The following PRDM15 variants were observed in gnomAD, a reference collection of about 807,000 sequenced individuals.
PRDM15 encodes PR/SET domain 15, also known as PR domain zinc finger protein 15.
PRDM15 carries 64 observed loss-of-function variants against 128.6 expected under a neutral mutation model. That is an observed-to-expected ratio of 0.50 (90% confidence interval 0.41 to 0.61). PRDM15 has a LOEUF of 0.61. Ranked by LOEUF, PRDM15 falls within the 20% of genes least tolerant of loss-of-function variation. The pLI is 0.00. For missense variants in PRDM15, 1,242 were observed against 1,569.1 expected (o/e 0.79, Z 3.52); for synonymous variants, 615 against 621.8 (o/e 0.99, Z 0.16).
intron 3 of PRDM15, among the ~76,000 whole-genome samples, chr21:41,858,157 T>C (rs936403959): frequency 6.6e-6 from 1 of 152,198 alleles, no homozygotes; most frequent in African/African-American, 2.4e-5. Context: ...TCCAGCCAAG[T>C]GGAGCGGGCC....
At chr21:41,815,522 G>T (rs964846408) in intron 19 of PRDM15, among the ~76,000 whole-genome samples, 183 bp downstream of exon 19, 1 of 152,206 alleles carries the variant, frequency 6.6e-6, no homozygotes, top group Non-Finnish European at 1.5e-5. Flanking sequence ...CCCTGTGGGA[G>T]GGGGACCTTT....
At chr21:41,826,162 G>C in intron 12 of PRDM15, 108 bp from the exon 13 acceptor site, 1 of 845,680 alleles carries the variant, frequency 1.2e-6, no homozygotes, top group Non-Finnish European at 2.0e-6. Context: ...GGAGGACAGG[G>C]CTGCCCACAG....
intron 1 of PRDM15, among the ~76,000 whole-genome samples, chr21:41,865,034 C>A (rs2063954193): frequency 6.6e-6 from 1 of 151,332 alleles, no homozygotes; most frequent in Non-Finnish European, 1.5e-5. Context: ...TCCCCACTCC[C>A]CTGCTCAGTC....
chr21:41,820,034 A>C, intron 17 of PRDM15, 61 bp downstream of exon 17: 6 of 1,402,210 alleles, frequency 4.3e-6, no homozygotes, highest in East Asian at 4.6e-5. Context: ...GACCCCCAGC[A>C]TCCCTCCCTG....
intron 10 of PRDM15, 133 bp from the exon 11 acceptor site, chr21:41,835,657 AT>A: frequency 1.5e-6 from 1 of 668,770 alleles, no homozygotes; most frequent in Non-Finnish European, 2.7e-6. Context: ...CTCCCGCTCT[AT>A]TTAGGAACAC....
At chr21:41,835,554 T>C (rs375047295) in intron 10 of PRDM15, 30 bp from the exon 11 acceptor site, 4 of 1,587,142 alleles carry the variant, frequency 2.5e-6, no homozygotes, top group Non-Finnish European at 3.4e-6. Flanking sequence ...GTGAGTGAGA[T>C]GGCCCAGCGC....
At chr21:41,855,412 T>C (rs929468781) in intron 4 of PRDM15, among the ~76,000 whole-genome samples, 1 of 152,178 alleles carries the variant, frequency 6.6e-6, no homozygotes, top group South Asian at 2.1e-4. Flanking sequence ...ATCAACCACA[T>C]GACTATAGGA....
In PRDM15 at chr21:41,839,628, G is replaced by C. The variant is rs1158779907; in HGVS notation, c.866C>G (p.Pro289Arg). The C allele has an allele frequency of 6.2e-7, 1 of 1,614,076 alleles. No individual in the cohort carries two copies. The highest frequency in any genetic ancestry group is 2.2e-5 in the East Asian group (1 of 44,880). ...QPLVIVEDKEPTEQVAEIITE... is the reference protein window; with the variant it reads ...QPLVIVEDKERTEQVAEIITE... ...CCCCGGGACCCGCTCATCACCTGTG[G>C]GTTCCTTGTCTTCCACGATGACTAG... is the stretch of plus-strand genomic sequence containing the variant. Residue 289 changes from proline (P) to arginine (R), a missense_variant, in exon 7 of 24, where the codon CCC (proline) becomes CGC (arginine). Around this residue, in one of 3 missense-constraint regions of PRDM15, gnomAD observed 612 missense variants for 717.0 expected, o/e 0.85. Coordinates refer to ENST00000398548, the MANE Select transcript of PRDM15 (RefSeq NM_001040424.3).
intron 11 of PRDM15, among the ~76,000 whole-genome samples, chr21:41,830,567 TCAACA>T (rs1308672309): frequency 1.4e-5 from 2 of 142,784 alleles, no homozygotes; most frequent in African/African-American, 2.6e-5. Flanking sequence ...ACAAATACAC[TCAACA>T]CACACACCAC....
intron 5 of PRDM15, among the ~76,000 whole-genome samples, chr21:41,850,107 G>A (rs1230211240): frequency 2.6e-5 from 4 of 152,166 alleles, no homozygotes; most frequent in Non-Finnish European, 4.4e-5. Flanking sequence ...AAATTTTCTC[G>A]TTGGAACCCA....
At chr21:41,861,356 C>T (rs1248416009) in intron 1 of PRDM15, among the ~76,000 whole-genome samples, 1 of 152,186 alleles carries the variant, frequency 6.6e-6, no homozygotes, top group Non-Finnish European at 1.5e-5. Context: ...GGTAGATGAG[C>T]ATAAACTGAC....
rs887311579 is a variant in PRDM15 at position 41,805,285 on chromosome 21, GACA to G, written c.2653-674_2653-672del. On this transcript the variant is annotated intron_variant, in intron 21 of 23. Coordinates refer to ENST00000398548, the MANE Select transcript of PRDM15 (RefSeq NM_001040424.3). ...TAATTAGATCATAAGAAAGACAACG[GACA>G]ACGAGTACAGAGACAGCCGAACGTG... 1.2e-3 allele frequency among the ~76,000 whole-genome samples: 184 copies of G among 152,320 alleles called. 3 individuals are homozygous for G. Among genetic ancestry groups the G allele is most frequent in the Admixed American group, 0.011 (174 of 15,306 alleles).
intron 11 of PRDM15, among the ~76,000 whole-genome samples, chr21:41,833,033 G>C (rs1217219753): frequency 1.3e-5 from 2 of 152,202 alleles, no homozygotes; most frequent in African/African-American, 2.4e-5. Context: ...GAATAAATGA[G>C]CCACTGAGAA....
At chr21:41,849,617 T>C (rs2063367268) in intron 5 of PRDM15, among the ~76,000 whole-genome samples, 1 of 150,670 alleles carries the variant, frequency 6.6e-6, no homozygotes, top group Admixed American at 6.6e-5. Context: ...TTACTGAATG[T>C]AAACTATATG....
rs28971970 is a variant in PRDM15, at chr21:41,830,636, C to T, written c.1367-2303G>A. On this transcript the variant is annotated intron_variant, in intron 11 of 23. Transcript: ENST00000398548. Reference sequence around the variant, plus strand: ...CACACAAACACACCACAGAAATACTCAACACACACACCACACAAATACTAA... The same window carrying T: ...CACACAAACACACCACAGAAATACTTAACACACACACCACACAAATACTAA... Among the ~76,000 whole-genome samples the T allele has an allele frequency of 7.9e-3, 1,197 of 151,834 alleles. 17 individuals carry two copies. The highest frequency in any genetic ancestry group is 0.028 in the African/African-American group (1,142 of 41,332).
chr21:41,859,441 A>G lies in PRDM15; in HGVS notation c.131+151T>C. ...GTGTGTCCCGGCAGCAACGCTGCTC[A>G]GTTCACAGTGGGAGCGGAATCGCTG... On this transcript the variant is annotated intron_variant, in intron 3 of 23. Coordinates refer to ENST00000398548, the MANE Select transcript of PRDM15 (RefSeq NM_001040424.3). The surrounding 1 kb of genome is among the most constrained non-coding windows in gnomAD (Gnocchi z 5.3). 1.4e-6 allele frequency: 1 copy of G among 722,056 alleles called. No homozygotes were observed. The allele number at this position is 722,056 out of a possible 1,614,324, so 44.7% of individuals were successfully genotyped here.
chr21:41,835,453 G>T lies in PRDM15; in HGVS notation c.1350C>A (p.Phe450Leu), dbSNP rs1457259807. The T allele has an allele frequency of 1.2e-6, 2 of 1,609,152 alleles. No individual in the cohort carries two copies. The highest frequency in any genetic ancestry group is 2.2e-5 in the South Asian group (2 of 91,064). Residue 450 changes from phenylalanine (F) to leucine (L), a missense_variant, in exon 11 of 24, where the codon TTC becomes TTA. By Grantham distance (22) the Phe-to-Leu change is conservative. Transcript: ENST00000398548. ...CGCCCTCACCTGTCCTGCAGTTGTG[G>T]AACTCCAGCGCGCTCTCGATGCGGA... The part of the protein sequence containing the change: ...KTFRIESALE[F>L]HNCRTDDKTF...
At chr21:41,835,322 G>T in intron 11 of PRDM15, 115 bp downstream of exon 11, 1 of 826,274 alleles carries the variant, frequency 1.2e-6, no homozygotes, top group Admixed American at 1.9e-5. Flanking sequence ...TTAAAAGTGA[G>T]GCTGTCTATT....
At chr21:41,818,923 G>C (rs1211299600) in intron 18 of PRDM15, among the ~76,000 whole-genome samples, 3 of 152,130 alleles carry the variant, frequency 2.0e-5, no homozygotes, top group Non-Finnish European at 4.4e-5. Context: ...CCTCGGCCGT[G>C]GTGAGTTTCT....
Sources: allele counts gnomAD v4.1 joint callset (sites outside exome capture counted in the v4.1 genomes callset), GRCh38; gene constraint gnomAD v4.1.1; regional missense constraint gnomAD v4.1.1; non-coding constraint Gnocchi (gnomAD v3.1); transcripts MANE v1.5; gene names NCBI Gene and HGNC (gene_info 2026-07-23, HGNC 2026-07-21).